The following NKAIN3 variants were observed in gnomAD, a reference collection of about 807,000 sequenced individuals.
NKAIN3 encodes sodium/potassium transporting ATPase interacting 3, also known as sodium/potassium-transporting ATPase subunit beta-1-interacting protein 3.
Under a neutral mutation model 30.2 loss-of-function variants are expected in NKAIN3, and 25 were observed. The ratio of observed to expected loss-of-function variants is 0.83; its 90% CI spans 0.60 to 1.16. The LOEUF is 1.16. NKAIN3 is among the 50% of genes most tolerant of loss of function. The probability of loss-of-function intolerance (pLI) is 0.00; values close to 1 mark genes in which losing one functional copy is unlikely to be tolerated. For synonymous variants in NKAIN3, 91 were observed against 89.6 expected (o/e 1.02, Z -0.09); for missense variants, 225 against 254.1 (o/e 0.89, Z 0.78).
In NKAIN3 at chr8:62,971,731, A is replaced by G. The variant is rs1475488997; in HGVS notation, c.*6324A>G. Among the ~76,000 whole-genome samples, 2 of 152,324 alleles carry G rather than the reference A, an allele frequency of 1.3e-5. No homozygotes were observed. The highest frequency in any genetic ancestry group is 1.9e-4 in the East Asian group (1 of 5,186). ...AATCACACAGTTCAAACTAATTGAC[A>G]TGATTTCTTGGAACAGTGTTTTCAT... On this transcript the variant is annotated 3_prime_UTR_variant, in exon 7 of 7. Transcript: ENST00000623646.
At chr8:62,842,966 A>G (rs1201946101) in intron 4 of NKAIN3, among the ~76,000 whole-genome samples, 1 of 152,086 alleles carries the variant, frequency 6.6e-6, no homozygotes, top group Non-Finnish European at 1.5e-5. Flanking sequence ...TAACCCCAAA[A>G]TCTCAAGTAA....
chr8:62,919,239 T>A (rs1299182670), intron 5 of NKAIN3, among the ~76,000 whole-genome samples: 2 of 93,834 alleles, frequency 2.1e-5, no homozygotes, highest in African/African-American at 9.6e-5. Flanking sequence ...TTTTTTTTTT[T>A]TTTTTTTTTT....
intron 1 of NKAIN3, among the ~76,000 whole-genome samples, chr8:62,428,031 T>C (rs1804866752): frequency 6.6e-6 from 1 of 151,884 alleles, no homozygotes. Flanking sequence ...CAACCACCAT[T>C]CTATTAACTA....
intron 3 of NKAIN3, among the ~76,000 whole-genome samples, chr8:62,618,131 G>C (rs1811517649): frequency 6.6e-6 from 1 of 152,164 alleles, no homozygotes. Flanking sequence ...CATCTGCCAA[G>C]GGACCTTGCA....
chr8:62,631,915 G>A (rs1179613383), intron 3 of NKAIN3, among the ~76,000 whole-genome samples: 6 of 152,130 alleles, frequency 3.9e-5, no homozygotes, highest in East Asian at 1.9e-4. Flanking sequence ...GTGTCTTATC[G>A]ATGCTTTAAT....
At position 62,361,951 on chromosome 8, in the gene NKAIN3, C is replaced by G. The variant is rs187071726; in HGVS notation, c.54+112824C>G. Among the ~76,000 whole-genome samples the G allele has an allele frequency of 6.6e-5, 10 of 152,266 alleles. No individual in the cohort carries two copies. The East Asian group carries it at 1.5e-3, about 24-fold the overall frequency. On this transcript the variant is annotated intron_variant, in intron 1 of 6. Transcript: ENST00000623646. ...GATATTAGCTTCCACATCTTTTCCT[C>G]CAGGAAACATTTCTAGGCCCTTCAA... is the stretch of plus-strand genomic sequence containing the variant.
intron 1 of NKAIN3, among the ~76,000 whole-genome samples, chr8:62,287,925 C>T (rs893236898): frequency 2.0e-5 from 3 of 152,248 alleles, no homozygotes; most frequent in South Asian, 4.1e-4. Context: ...GCTTAGCCTC[C>T]GCTTAACCTG....
At chr8:62,987,197 G>A (rs1824219264), downstream of NKAIN3, among the ~76,000 whole-genome samples, 1 of 151,950 alleles carries the variant, frequency 6.6e-6, no homozygotes, top group African/African-American at 2.4e-5. Flanking sequence ...GATTAACCTG[G>A]CCAACATGAC....
At chr8:62,512,530 C>T (rs539555019) in intron 1 of NKAIN3, among the ~76,000 whole-genome samples, 2 of 152,218 alleles carry the variant, frequency 1.3e-5, no homozygotes, top group South Asian at 4.1e-4. Context: ...TGTTCTGTTT[C>T]AGTCTGTTAT....
At chr8:62,927,901 G>T (rs191636274) in intron 5 of NKAIN3, among the ~76,000 whole-genome samples, 33 of 152,150 alleles carry the variant, frequency 2.2e-4, no homozygotes, top group Middle Eastern at 6.8e-3. Context: ...TAACAAAATG[G>T]CATATAATAT....
chr8:62,681,818 C>A (rs1296614672), intron 3 of NKAIN3, among the ~76,000 whole-genome samples: 1 of 152,132 alleles, frequency 6.6e-6, no homozygotes. Flanking sequence ...TTAAACTTAT[C>A]TTGGTCTTTA....
At chr8:62,366,126 A>T (rs1816729182) in intron 1 of NKAIN3, among the ~76,000 whole-genome samples, 1 of 151,748 alleles carries the variant, frequency 6.6e-6, no homozygotes, top group South Asian at 2.1e-4. Context: ...ATTTAGTCTC[A>T]GTAGGTTGTA....
At chr8:62,288,246 TC>T (rs199835056) in intron 1 of NKAIN3, among the ~76,000 whole-genome samples, 5,046 of 152,192 alleles carry the variant, frequency 0.033, 306 homozygotes, top group African/African-American at 0.12. Flanking sequence ...TTTCTTTTTA[TC>T]TTTTTTAATT....
chr8:62,589,215 G>A (rs149897810), intron 2 of NKAIN3, among the ~76,000 whole-genome samples: 4 of 151,552 alleles, frequency 2.6e-5, no homozygotes, highest in Non-Finnish European at 5.9e-5. Context: ...TCATATTAGA[G>A]GCACACATTC....
In NKAIN3 at chr8:62,927,286, T is replaced by C. The variant is rs539313522; in HGVS notation, c.532+8773T>C. ...CAAGTTCTCTTGGATCTTATCAAGA[T>C]TGATTGACAGCTTTGGCTGCTGTTG... On this transcript the variant is annotated intron_variant, in intron 5 of 6. Transcript: ENST00000623646. 5.9e-5 allele frequency among the ~76,000 whole-genome samples: 9 copies of C among 152,348 alleles called. No homozygotes were observed. The South Asian group carries it at 1.4e-3, about 25-fold the overall frequency.
intron 1 of NKAIN3, among the ~76,000 whole-genome samples, chr8:62,407,543 C>T (rs1035227594): frequency 7.9e-5 from 12 of 151,690 alleles, no homozygotes; most frequent in African/African-American, 2.9e-4. Flanking sequence ...GACTACAAGG[C>T]ACGCACCACC....
At chr8:62,818,735 A>G (rs1351347) in intron 4 of NKAIN3, among the ~76,000 whole-genome samples, 26,703 of 152,000 alleles carry the variant, frequency 0.18, 2,558 homozygotes, top group East Asian at 0.29. Context: ...TATATGAAGT[A>G]AGTGCTGCCA....
chr8:62,548,027 G>A (rs1373696225), intron 1 of NKAIN3, among the ~76,000 whole-genome samples: 1 of 152,110 alleles, frequency 6.6e-6, no homozygotes, highest in Non-Finnish European at 1.5e-5. Flanking sequence ...TTTAAATCTT[G>A]TAATTCTAGC....
chr8:62,580,071 C>T (rs183821545), intron 2 of NKAIN3, among the ~76,000 whole-genome samples: 6 of 152,218 alleles, frequency 3.9e-5, no homozygotes, highest in Admixed American at 3.3e-4. Flanking sequence ...CTCCAAAAAA[C>T]AAATCTTTCT....
Sources: allele counts gnomAD v4.1 joint callset (sites outside exome capture counted in the v4.1 genomes callset), GRCh38; gene constraint gnomAD v4.1.1; transcripts MANE v1.5; gene names NCBI Gene and HGNC (gene_info 2026-07-23, HGNC 2026-07-21).